Variants in MOB4 observed in about 807,000 individuals in gnomAD.
MOB4 encodes MOB family member 4, phocein, also known as MOB-like protein phocein.
MOB4 carries 4 observed loss-of-function variants against 32.2 expected under a neutral mutation model. That is an observed-to-expected ratio of 0.12 (90% CI 0.06 to 0.28). The LOEUF (loss-of-function observed/expected upper bound fraction) is 0.28. Among genes scored for constraint, MOB4 ranks in the 10% least tolerant of loss-of-function variants. The probability of loss-of-function intolerance (pLI) is 1.00; values close to 1 mark genes in which losing one functional copy is unlikely to be tolerated. For synonymous variants in MOB4, 88 were observed against 88.1 expected (o/e 1.00, Z 0.01); for missense variants, 158 against 271.2 (o/e 0.58, Z 2.93).
intron 1 of MOB4, among the ~76,000 whole-genome samples, chr2:197,517,184 T>A (rs564075972): frequency 6.6e-6 from 1 of 152,350 alleles, no homozygotes; most frequent in Non-Finnish European, 1.5e-5. Context: ...ATAAGGAAAC[T>A]GAAGCCCAAG....
rs1394647062 is a variant in MOB4, at chr2:197,553,277, T to TA, written c.*2632dup. 6.6e-6 allele frequency: 1 copy of TA among 151,860 alleles called. No homozygotes were observed. Among genetic ancestry groups the TA allele is most frequent in the Non-Finnish European group, 1.5e-5 (1 of 68,068 alleles). The allele number at this position is 151,860 out of a possible 1,614,324, so 9.4% of individuals were successfully genotyped here. On this transcript the variant is annotated 3_prime_UTR_variant, in exon 8 of 8. Transcript: ENST00000323303. ...GGAGAAACCCTGTCTCTACTAAAAA[T>TA]ACAAAAATTAGCCGGGCGTGGTGCT...
At chr2:197,520,503 A>C (rs1311779375) in intron 1 of MOB4, among the ~76,000 whole-genome samples, 1 of 152,150 alleles carries the variant, frequency 6.6e-6, no homozygotes, top group Non-Finnish European at 1.5e-5. Context: ...TTGAAGACTT[A>C]ATCTTTGTTG....
chr2:197,543,655 A>G (rs574672167), intron 5 of MOB4, among the ~76,000 whole-genome samples: 2 of 152,340 alleles, frequency 1.3e-5, no homozygotes, highest in East Asian at 3.9e-4. Context: ...GAGTGAATAA[A>G]TTCATATAGA....
intron 5 of MOB4, among the ~76,000 whole-genome samples, chr2:197,544,571 G>A (rs891320270): frequency 2.0e-5 from 3 of 152,168 alleles, no homozygotes; most frequent in East Asian, 3.9e-4. Flanking sequence ...GGCTAACACG[G>A]TGAAACCCCA....
chr2:197,516,351 C>T lies in MOB4; in HGVS notation c.60+205C>T, dbSNP rs914555461. 6 of 1,423,410 alleles carry T rather than the reference C, an allele frequency of 4.2e-6. No homozygotes were observed. The African/African-American group carries it at 8.8e-5, about 21-fold the overall frequency. The allele number at this position is 1,423,410 out of a possible 1,614,324, so 88.2% of individuals were successfully genotyped here. A position where few individuals can be genotyped will look rare whatever the true frequency, so the allele number is the denominator to read the frequency against. On this transcript the variant is annotated intron_variant, in intron 1 of 7. Coordinates refer to ENST00000323303, the MANE Select transcript of MOB4 (RefSeq NM_015387.5). The stretch of plus-strand genomic sequence containing the variant: ...CCGTGAGGCCTGCGGAGCTCCGACC[C>T]AGGGGTAGGCGTGAGGGGCGGGTGG...
intron 2 of MOB4, 28 bp from the exon 3 acceptor site, chr2:197,535,502 T>G (rs1263047220): frequency 6.4e-7 from 1 of 1,563,654 alleles, no homozygotes; most frequent in African/African-American, 1.4e-5. Flanking sequence ...TATAATTTAA[T>G]TAACCATAAG....
intron 5 of MOB4, among the ~76,000 whole-genome samples, chr2:197,544,050 CTTT>C (rs559647857): frequency 1.4e-5 from 2 of 144,766 alleles, no homozygotes; most frequent in Non-Finnish European, 1.5e-5. Flanking sequence ...GAGTTTCTTT[CTTT>C]TTTTTTTTTA....
At chr2:197,540,088 T>C (rs367817385) in intron 3 of MOB4, 23 bp from the exon 4 acceptor site, 115 of 1,588,272 alleles carry the variant, frequency 7.2e-5, no homozygotes, top group South Asian at 2.2e-4. Flanking sequence ...TATGACTTTT[T>C]ATTTATGTAT....
intron 1 of MOB4, among the ~76,000 whole-genome samples, chr2:197,520,271 T>A (rs1280589049): frequency 6.6e-6 from 1 of 151,576 alleles, no homozygotes; most frequent in Non-Finnish European, 1.5e-5. Flanking sequence ...CAAACTCCGC[T>A]TCCTGGGTTT....
At chr2:197,538,486 G>C (rs2086841969) in intron 3 of MOB4, among the ~76,000 whole-genome samples, 1 of 149,672 alleles carries the variant, frequency 6.7e-6, no homozygotes, top group African/African-American at 2.5e-5. Flanking sequence ...TGTTAATTTA[G>C]ATTGGGTCAT....
chr2:197,534,339 A>G (rs961213709), intron 2 of MOB4, among the ~76,000 whole-genome samples: 2 of 152,186 alleles, frequency 1.3e-5, no homozygotes, highest in Non-Finnish European at 2.9e-5. Flanking sequence ...AGAGATCTGA[A>G]ATTTAAATTT....
At chr2:197,548,168 C>A (rs1013389237) in intron 5 of MOB4, among the ~76,000 whole-genome samples, 168 bp from the exon 6 acceptor site, 8 of 151,360 alleles carry the variant, frequency 5.3e-5, no homozygotes, top group African/African-American at 1.7e-4. Context: ...GGATAATAAA[C>A]CTTACTTATT....
intron 5 of MOB4, among the ~76,000 whole-genome samples, chr2:197,544,869 C>T (rs974820769): frequency 1.3e-5 from 2 of 152,038 alleles, no homozygotes; most frequent in African/African-American, 2.4e-5. Flanking sequence ...TTCATACCCA[C>T]TATAATGGCT....
At chr2:197,537,487 T>A (rs1327013725) in intron 3 of MOB4, among the ~76,000 whole-genome samples, 1 of 152,220 alleles carries the variant, frequency 6.6e-6, no homozygotes, top group Non-Finnish European at 1.5e-5. Flanking sequence ...AGGCACTTTT[T>A]AAAAATATTT....
chr2:197,524,326 A>G (rs539937209), intron 2 of MOB4, among the ~76,000 whole-genome samples: 1 of 152,206 alleles, frequency 6.6e-6, no homozygotes, highest in African/African-American at 2.4e-5. Flanking sequence ...AGGTCAGGAT[A>G]TCAAGACCAT....
chr2:197,529,025 G>A (rs1277906475), intron 2 of MOB4, among the ~76,000 whole-genome samples: 2 of 150,566 alleles, frequency 1.3e-5, no homozygotes, highest in Admixed American at 6.6e-5. Flanking sequence ...GCAGTGGCGC[G>A]ATCTCGGCTC....
chr2:197,520,065 G>A (rs1364754441), intron 1 of MOB4, among the ~76,000 whole-genome samples: 3 of 152,060 alleles, frequency 2.0e-5, no homozygotes, highest in Non-Finnish European at 4.4e-5. Context: ...CGGGGACATT[G>A]CTACTATAGT....
intron 2 of MOB4, 36 bp downstream of exon 2, chr2:197,523,722 T>G (rs2086560790): frequency 6.3e-7 from 1 of 1,578,596 alleles, no homozygotes; most frequent in Non-Finnish European, 8.6e-7. Context: ...CTGTGTCTTT[T>G]GGAGTACGAT....
intron 2 of MOB4, among the ~76,000 whole-genome samples, chr2:197,527,684 G>A (rs893581997): frequency 2.0e-5 from 3 of 152,162 alleles, no homozygotes; most frequent in East Asian, 1.9e-4. Flanking sequence ...GTTGAATAGC[G>A]GTGGTGAAAG....
Sources: allele counts gnomAD v4.1 joint callset (sites outside exome capture counted in the v4.1 genomes callset), GRCh38; gene constraint gnomAD v4.1.1; transcripts MANE v1.5; gene names NCBI Gene and HGNC (gene_info 2026-07-23, HGNC 2026-07-21).